Variants in ERN1 observed in about 807,000 individuals in gnomAD.
ERN1 encodes the protein endoplasmic reticulum to nucleus signaling 1.
ERN1 carries 39 observed loss-of-function variants against 113.1 expected under a neutral mutation model. The ratio of observed to expected loss-of-function variants is 0.34; its 90% confidence interval spans 0.27 to 0.45. ERN1 has a LOEUF of 0.45. Ranked by LOEUF, ERN1 falls within the 20% of genes least tolerant of loss-of-function variation. The pLI is 1.00. For missense variants in ERN1, 976 were observed against 1,274.8 expected (o/e 0.77, Z 3.57); for synonymous variants, 507 against 515.9 (o/e 0.98, Z 0.23).
At chr17:64,126,152 A>G (rs1915075465) in intron 1 of ERN1, among the ~76,000 whole-genome samples, 1 of 152,118 alleles carries the variant, frequency 6.6e-6, no homozygotes, top group Admixed American at 6.6e-5. Context: ...CACCAGTCCT[A>G]TTTTTTAAGC....
At chr17:64,106,267 T>C (rs1332017975) in intron 1 of ERN1, among the ~76,000 whole-genome samples, 1 of 152,232 alleles carries the variant, frequency 6.6e-6, no homozygotes, top group Non-Finnish European at 1.5e-5. Context: ...AGAAGGATTA[T>C]ATAAGAAAGA....
intron 16 of ERN1, 84 bp downstream of exon 16, chr17:64,053,188 C>T: frequency 1.7e-6 from 2 of 1,171,310 alleles, no homozygotes; most frequent in East Asian, 2.4e-5. Flanking sequence ...AGAAGCAAGG[C>T]CCACCCGAGC....
At chr17:64,115,963 T>C (rs905194709) in intron 1 of ERN1, among the ~76,000 whole-genome samples, 12 of 152,192 alleles carry the variant, frequency 7.9e-5, no homozygotes, top group Non-Finnish European at 1.6e-4. Context: ...GCATAACAAT[T>C]TGACAGAGTT....
chr17:64,054,840 T>C lies in ERN1; in HGVS notation c.1673-12A>G, dbSNP rs1300062338. 3 of 1,585,672 alleles carry C rather than the reference T, an allele frequency of 1.9e-6. No homozygotes were observed. The highest frequency in any genetic ancestry group is 1.7e-6 in the Non-Finnish European group (2 of 1,160,908). ...GCTGGTTTCCTCATCTGGGACAAAA[T>C]AGGAAAAAGAGATTGTTTCAAACAG... On this transcript the variant is annotated splice_polypyrimidine_tract_variant and intron_variant, in intron 13 of 21. Transcript: ENST00000433197. This position sits in a 1 kb window ranked among gnomAD's most constrained non-coding sequence, Gnocchi z 4.9.
intron 17 of ERN1, among the ~76,000 whole-genome samples, chr17:64,051,175 A>C (rs1040596153): frequency 2.0e-5 from 3 of 151,570 alleles, no homozygotes; most frequent in Admixed American, 6.6e-5. Context: ...AAAAAGAGAG[A>C]GAGAAGAAAG....
At chr17:64,095,519 T>A (rs1425043375) in intron 2 of ERN1, among the ~76,000 whole-genome samples, 1 of 152,210 alleles carries the variant, frequency 6.6e-6, no homozygotes, top group Non-Finnish European at 1.5e-5. Flanking sequence ...TCCTCCCTAG[T>A]CAGTCACTAG....
intron 1 of ERN1, among the ~76,000 whole-genome samples, chr17:64,119,376 GTTTTTTTT>G (rs3044073): frequency 0.016 from 1,227 of 77,920 alleles, 62 homozygotes; most frequent in African/African-American, 0.063. Context: ...TTTTTTCTAG[GTTTTTTTT>G]TTTTTTTTTT....
intron 11 of ERN1, among the ~76,000 whole-genome samples, chr17:64,059,540 G>A (rs562065681): frequency 7.2e-5 from 11 of 152,276 alleles, no homozygotes; most frequent in African/African-American, 2.4e-4. Flanking sequence ...CCGGCTCTGT[G>A]CCCCAGAAGG....
At chr17:64,045,575 A>C (rs553993485) in intron 19 of ERN1, 93 bp from the exon 20 acceptor site, 1 of 1,543,552 alleles carries the variant, frequency 6.5e-7, no homozygotes, top group African/African-American at 1.4e-5. Flanking sequence ...TCACTGACAC[A>C]TAAGCCTGCC....
intron 2 of ERN1, among the ~76,000 whole-genome samples, chr17:64,082,896 C>A (rs148684379): frequency 7.5e-4 from 114 of 151,900 alleles, no homozygotes; most frequent in African/African-American, 2.5e-3. Context: ...AGTAGGAGGG[C>A]CTTATGGTTA....
chr17:64,089,178 G>C (rs953590709), intron 2 of ERN1, among the ~76,000 whole-genome samples: 3 of 151,960 alleles, frequency 2.0e-5, no homozygotes, highest in Non-Finnish European at 4.4e-5. Context: ...AATTAGCCGG[G>C]CATGGTGGCA....
chr17:64,073,358 G>A (rs1157533877), intron 5 of ERN1, among the ~76,000 whole-genome samples: 2 of 65,102 alleles, frequency 3.1e-5, no homozygotes, highest in East Asian at 5.2e-4. Context: ...TTTTTTTTTA[G>A]TAGAGACAGG....
chr17:64,110,454 C>A (rs1402680388), intron 1 of ERN1, among the ~76,000 whole-genome samples: 1 of 152,088 alleles, frequency 6.6e-6, no homozygotes, highest in Admixed American at 6.6e-5. Context: ...CCTGAACAGC[C>A]CAGTTCTAAT....
intron 13 of ERN1, among the ~76,000 whole-genome samples, chr17:64,055,067 T>A (rs912349378): frequency 6.6e-6 from 1 of 152,228 alleles, no homozygotes; most frequent in Admixed American, 6.5e-5. Flanking sequence ...CGATTGCATA[T>A]CTTAAAACCT....
intron 10 of ERN1, among the ~76,000 whole-genome samples, chr17:64,062,736 C>A (rs1238436322): frequency 1.4e-5 from 2 of 147,242 alleles, no homozygotes; most frequent in Admixed American, 1.4e-4. Flanking sequence ...ATTGCAATGA[C>A]CTCTTCTCAT....
At chr17:64,084,588 T>C (rs1913868057) in intron 2 of ERN1, among the ~76,000 whole-genome samples, 2 of 152,222 alleles carry the variant, frequency 1.3e-5, no homozygotes, top group South Asian at 4.1e-4. Context: ...GATTAAATGT[T>C]TGTCAAGACT....
chr17:64,059,141 A>G (rs970303049), intron 11 of ERN1, among the ~76,000 whole-genome samples: 1 of 152,242 alleles, frequency 6.6e-6, no homozygotes, highest in Non-Finnish European at 1.5e-5. Context: ...ATGAATATGC[A>G]GGACTTTAAT....
chr17:64,080,719 G>A, intron 3 of ERN1, 56 bp downstream of exon 3: 1 of 1,543,260 alleles, frequency 6.5e-7, no homozygotes, highest in South Asian at 1.2e-5. Context: ...CATAAACACT[G>A]ATTGAATGAA....
intron 18 of ERN1, among the ~76,000 whole-genome samples, chr17:64,048,525 A>T (rs1912583719): frequency 6.6e-6 from 1 of 152,172 alleles, no homozygotes; most frequent in Admixed American, 6.5e-5. Context: ...ATTTAGTTGT[A>T]ATTTTTTCAA....
Sources: gnomAD v4.1 joint callset for allele counts (sites outside exome capture counted in the v4.1 genomes callset) on GRCh38, gnomAD v4.1.1 for gene constraint, Gnocchi (gnomAD v3.1) non-coding constraint, MANE v1.5 for transcripts, NCBI Gene and HGNC (gene_info 2026-07-23, HGNC 2026-07-21) for gene names.